The following PHKA2 variants were observed in gnomAD, a reference collection of about 807,000 sequenced individuals.
PHKA2 encodes phosphorylase b kinase regulatory subunit alpha, liver isoform.
In PHKA2, 31 loss-of-function variants were observed where a neutral mutation model predicts 102.0. The ratio of observed to expected loss-of-function variants is 0.30; its 90% CI spans 0.23 to 0.41. The LOEUF (loss-of-function observed/expected upper bound fraction) is 0.41, where lower values mean the gene tolerates loss of function less well. Among genes scored for constraint, PHKA2 ranks in the 10% least tolerant of loss-of-function variants. The pLI is 1.00. For synonymous variants in PHKA2, 455 were observed against 416.2 expected (o/e 1.09, Z -1.13); for missense variants, 858 against 1,023.1 (o/e 0.84, Z 2.20).
chrX:18,946,262 G>A (rs1384038327), intron 5 of PHKA2, among the ~76,000 whole-genome samples: 1 of 110,729 alleles, frequency 9.0e-6, no homozygotes, highest in Non-Finnish European at 1.9e-5. Flanking sequence ...TGAGACTCGG[G>A]CATCCTAGAG....
intron 25 of PHKA2, 116 bp downstream of exon 25, chrX:18,906,379 A>G: frequency 2.1e-6 from 2 of 943,353 alleles, no homozygotes; most frequent in South Asian, 2.0e-5. Flanking sequence ...AGCTTGCCAC[A>G]GGCTTGGATG....
At chrX:18,905,937 G>A in intron 25 of PHKA2, 78 bp from the exon 26 acceptor site, 3 of 694,325 alleles carry the variant, frequency 4.3e-6, no homozygotes, top group Middle Eastern at 3.0e-4. Context: ...GACGTGGGTG[G>A]GGAGGGAGGT....
intron 20 of PHKA2, among the ~76,000 whole-genome samples, 180 bp downstream of exon 20, chrX:18,910,692 C>T (rs2047907153): frequency 8.9e-6 from 1 of 112,038 alleles, no homozygotes; most frequent in Admixed American, 9.5e-5. Flanking sequence ...TGATGCAAGT[C>T]AGATTCCAGA....
chrX:18,929,410 A>C, intron 12 of PHKA2, 104 bp from the exon 13 acceptor site: 1 of 568,139 alleles, frequency 1.8e-6, no homozygotes, highest in Non-Finnish European at 3.0e-6. Flanking sequence ...CATATTCAAG[A>C]CTTTTTTCTT....
intron 7 of PHKA2, among the ~76,000 whole-genome samples, chrX:18,942,188 G>A (rs1235499954): frequency 8.9e-6 from 1 of 112,194 alleles, no homozygotes; most frequent in Non-Finnish European, 1.9e-5. Context: ...GTAAACCACA[G>A]AATTAGTTTA....
intron 1 of PHKA2, among the ~76,000 whole-genome samples, chrX:18,976,829 G>C (rs2049096284): frequency 9.0e-6 from 1 of 111,241 alleles, no homozygotes; most frequent in African/African-American, 3.3e-5. Flanking sequence ...AACCCTGCCA[G>C]AAGTCTGCCT....
intron 1 of PHKA2, among the ~76,000 whole-genome samples, chrX:18,978,580 G>A (rs1479487313): frequency 9.1e-6 from 1 of 110,335 alleles, no homozygotes; most frequent in Non-Finnish European, 1.9e-5. Flanking sequence ...GGGCGTGGTG[G>A]CACATGCCTG....
At position 18,893,704 on chromosome X, in the gene PHKA2, C is replaced by T. The variant is rs202049814; in HGVS notation, c.3538-49G>A. ...GACAATAAGCGGAGCCCCCACTCCC[C>T]GTCACGCTTCTGCGTGGTGGTGGCA... On this transcript the variant is annotated intron_variant, in intron 32 of 32. Transcript: ENST00000379942. The T allele has an allele frequency of 4.8e-5, 54 of 1,117,724 alleles. No individual in the cohort carries two copies. In the East Asian group the frequency reaches 8.4e-4, roughly 17 times the overall value. The allele number at this position is 1,117,724 out of a possible 1,213,427, so 92.1% of individuals were successfully genotyped here. A position where few individuals can be genotyped will look rare whatever the true frequency, so the allele number is the denominator to read the frequency against.
chrX:18,902,579 T>C (rs1033635959), intron 26 of PHKA2, among the ~76,000 whole-genome samples: 2 of 105,961 alleles, frequency 1.9e-5, no homozygotes, highest in Admixed American at 1.0e-4. Flanking sequence ...CTGACCAACA[T>C]GGAAAAACCC....
rs2048320837 is a variant in PHKA2, at chrX:18,931,820, T to C, written c.1138-72A>G. On this transcript the variant is annotated intron_variant, in intron 11 of 32. Transcript: ENST00000379942. ...GGCCATGATACCTGACCATGGGGAATGCACTGAGGATTTATGAAATGGTAC... is the reference window on the plus strand; with the variant it reads ...GGCCATGATACCTGACCATGGGGAACGCACTGAGGATTTATGAAATGGTAC... The C allele has an allele frequency of 8.5e-6, 6 of 707,723 alleles. No homozygotes were observed. The Admixed American group carries it at 1.3e-4, about 16-fold the overall frequency. 58.3% of individuals were successfully genotyped at this position (707,723 alleles called of 1,213,427 possible).
At chrX:18,913,626 G>T (rs889038221) in intron 19 of PHKA2, among the ~76,000 whole-genome samples, 55 of 110,909 alleles carry the variant, frequency 5.0e-4, no homozygotes, top group African/African-American at 1.7e-3. Flanking sequence ...GGCTGGTCTT[G>T]AACTCCTGAC....
rs572256430 is a variant in PHKA2, at chrX:18,950,183, C to T, written c.454+921G>A. On this transcript the variant is annotated intron_variant, in intron 4 of 32. Coordinates refer to ENST00000379942, the MANE Select transcript of PHKA2 (RefSeq NM_000292.3). Reference sequence around the variant, plus strand: ...ACCGCCGACAAACTGTGAGCCTACTCAGCCCGCTGAGTAGCGGGCTGCTCA... The same window carrying T: ...ACCGCCGACAAACTGTGAGCCTACTTAGCCCGCTGAGTAGCGGGCTGCTCA... Among the ~76,000 whole-genome samples the T allele has an allele frequency of 8.3e-4, 93 of 111,965 alleles. 2 individuals carry two copies. Among genetic ancestry groups the T allele is most frequent in the Admixed American group, 6.3e-3 (67 of 10,662 alleles).
chrX:18,957,738 T>TTTTATATATATATATATATA (rs1556017565), intron 1 of PHKA2, among the ~76,000 whole-genome samples: 14 of 95,178 alleles, frequency 1.5e-4, no homozygotes, highest in African/African-American at 5.7e-4. Context: ...TAAAACCAGA[T>TTTTATATATATATATATATA]TATATATATA....
At chrX:18,922,527 G>A (rs1025165835) in intron 17 of PHKA2, among the ~76,000 whole-genome samples, 12 of 111,486 alleles carry the variant, frequency 1.1e-4, no homozygotes, top group Admixed American at 2.9e-4. Context: ...CAACCTCAGC[G>A]GGCTCTTCAA....
intron 10 of PHKA2, 51 bp downstream of exon 10, chrX:18,938,576 A>G (rs189939545): frequency 2.7e-4 from 300 of 1,117,075 alleles, no homozygotes; most frequent in Non-Finnish European, 2.7e-4. Flanking sequence ...AATAATCAGT[A>G]TACCAGTGGA....
chrX:18,901,340 G>C, intron 27 of PHKA2, 145 bp downstream of exon 27: 1 of 537,383 alleles, frequency 1.9e-6, no homozygotes. Flanking sequence ...GGGGACAGGG[G>C]TGTGTTCAGA....
intron 3 of PHKA2, among the ~76,000 whole-genome samples, chrX:18,951,650 T>C (rs775788945): frequency 1.8e-3 from 202 of 111,823 alleles, no homozygotes; most frequent in Admixed American, 3.0e-3. Context: ...TTCTTAATGT[T>C]GAAAGGAAAA....
At chrX:18,928,340 G>T (rs2048248968) in intron 13 of PHKA2, among the ~76,000 whole-genome samples, 1 of 112,051 alleles carries the variant, frequency 8.9e-6, no homozygotes, top group African/African-American at 3.2e-5. Flanking sequence ...TCTCACCACA[G>T]CATGAGCCCC....
intron 19 of PHKA2, among the ~76,000 whole-genome samples, chrX:18,914,705 A>G (rs2047990512): frequency 8.9e-6 from 1 of 112,436 alleles, no homozygotes; most frequent in African/African-American, 3.2e-5. Flanking sequence ...TGATTAGCAC[A>G]TCTGAAGGCG....
Sources: allele counts gnomAD v4.1 joint callset (sites outside exome capture counted in the v4.1 genomes callset), GRCh38; gene constraint gnomAD v4.1.1; transcripts MANE v1.5; gene names NCBI Gene and HGNC (gene_info 2026-07-23, HGNC 2026-07-21).